DNAH8: variants seen among roughly 807,000 people sequenced by gnomAD.
DNAH8 encodes dynein axonemal heavy chain 8, also known as axonemal beta dynein heavy chain 8.
In DNAH8, 382 loss-of-function variants were observed where a neutral mutation model predicts 562.1. The ratio of observed to expected loss-of-function variants is 0.68; its 90% CI spans 0.63 to 0.74. DNAH8 has a LOEUF of 0.74. DNAH8 is among the 30% of genes least tolerant of loss of function. The pLI is 0.00. For synonymous variants in DNAH8, 1,881 were observed against 1,919.4 expected, an observed-to-expected ratio of 0.98 and a Z score of 0.52; for missense variants, 5,203 against 5,620.4, an observed-to-expected ratio of 0.93 and a Z score of 2.37.
chr6:38,994,504 T>G (rs1221059679), intron 88 of DNAH8, among the ~76,000 whole-genome samples: 1 of 151,822 alleles, frequency 6.6e-6, no homozygotes, highest in Non-Finnish European at 1.5e-5. Context: ...ATCTACATTT[T>G]TTTTTTTTTT....
At chr6:38,802,130 C>T (rs1157397475) in intron 21 of DNAH8, among the ~76,000 whole-genome samples, 1 of 151,718 alleles carries the variant, frequency 6.6e-6, no homozygotes, top group African/African-American at 2.4e-5. Flanking sequence ...GAGATGGGGT[C>T]TCGCCATGTT....
intron 60 of DNAH8, among the ~76,000 whole-genome samples, chr6:38,896,574 C>CA (rs909079118): frequency 7.1e-6 from 1 of 141,270 alleles, no homozygotes; most frequent in African/African-American, 2.5e-5. Context: ...GACCCTGTCT[C>CA]AAAAAAACAA....
intron 31 of DNAH8, among the ~76,000 whole-genome samples, chr6:38,833,295 AT>A (rs1774004760): frequency 1.3e-5 from 2 of 151,560 alleles, no homozygotes; most frequent in Non-Finnish European, 2.9e-5. Context: ...GCCTCATTCT[AT>A]TGTTAAAGTA....
chr6:38,984,790 A>C (rs1764271809), intron 87 of DNAH8, among the ~76,000 whole-genome samples: 1 of 152,010 alleles, frequency 6.6e-6, no homozygotes, highest in Non-Finnish European at 1.5e-5. Context: ...ACTCTGTCTC[A>C]AAAAAACAAA....
chr6:39,024,562 C>G (rs772000848), intron 91 of DNAH8, among the ~76,000 whole-genome samples: 2 of 152,100 alleles, frequency 1.3e-5, no homozygotes, highest in Non-Finnish European at 2.9e-5. Flanking sequence ...CACAGTGGCT[C>G]GCATCTGTAA....
intron 26 of DNAH8, among the ~76,000 whole-genome samples, chr6:38,819,572 A>C (rs1487689184): frequency 1.3e-5 from 2 of 152,184 alleles, no homozygotes; most frequent in African/African-American, 4.8e-5. Context: ...GAAGTATTGC[A>C]TTATCAATAA....
In DNAH8 at chr6:38,822,844, T is replaced by C. The variant is rs372754063; in HGVS notation, c.3530T>C (p.Phe1177Ser). The C allele has an allele frequency of 3.2e-6, 5 of 1,576,838 alleles. No homozygotes were observed. In the Admixed American group the frequency reaches 7.9e-5, roughly 25 times the overall value. ...GKLLKKEERSFEEAIPARKLK... is the reference protein window; with the variant it reads ...GKLLKKEERSSEEAIPARKLK... ...TAAAAACATCTGTTTTCAGGATCTT[T>C]TGAAGAAGCTATTCCTGCGAGGAAG... The change falls in exon 27 of 93, where the codon TTT (phenylalanine) becomes TCT (serine). Residue 1177 changes from phenylalanine to serine, a missense_variant. By Grantham distance (155) the Phe-to-Ser change is radical (BLOSUM62 -2). Around this residue, in one of 6 missense-constraint regions of DNAH8, gnomAD observed 2,176 missense variants for 2,365.1 expected, o/e 0.92. Coordinates refer to ENST00000327475, the MANE Select transcript of DNAH8 (RefSeq NM_001206927.2).
chr6:38,766,977 T>C (rs1395114629), intron 11 of DNAH8, among the ~76,000 whole-genome samples: 1 of 152,206 alleles, frequency 6.6e-6, no homozygotes, highest in Non-Finnish European at 1.5e-5. Context: ...TCTCTTTTTG[T>C]ATAATTAAAA....
At chr6:38,981,674 A>G (rs566689715) in intron 85 of DNAH8, among the ~76,000 whole-genome samples, 25 of 152,338 alleles carry the variant, frequency 1.6e-4, no homozygotes, top group African/African-American at 5.5e-4. Flanking sequence ...TGCATTTGAC[A>G]TTTCAAACTT....
At chr6:38,994,371 C>T (rs775855951) in intron 88 of DNAH8, among the ~76,000 whole-genome samples, 3 of 151,884 alleles carry the variant, frequency 2.0e-5, no homozygotes, top group African/African-American at 4.8e-5. Context: ...GTGTTATTGT[C>T]GTTTCGTTTT....
intron 73 of DNAH8, 91 bp downstream of exon 73, chr6:38,924,253 C>A: frequency 7.6e-7 from 1 of 1,316,478 alleles, no homozygotes; most frequent in East Asian, 2.4e-5. Context: ...TGGCTCACAT[C>A]TGTAATCCCA....
intron 4 of DNAH8, 140 bp from the exon 5 acceptor site, chr6:38,734,334 C>CT: frequency 1.2e-6 from 1 of 822,894 alleles, no homozygotes; most frequent in East Asian, 5.6e-5. Flanking sequence ...AGACCCCCCC[C>CT]CAAAAAAATT....
chr6:38,734,484 A>G lies in DNAH8; in HGVS notation c.621A>G (p.Arg207=). 2 of 1,613,826 alleles carry G rather than the reference A, an allele frequency of 1.2e-6. No homozygotes were observed. Among genetic ancestry groups the G allele is most frequent in the Non-Finnish European group, 1.7e-6 (2 of 1,179,946 alleles). The change falls in exon 5 of 93, where the codon CGA becomes CGG. Residue 207 remains arginine, a synonymous_variant. Coordinates refer to ENST00000327475, the MANE Select transcript of DNAH8 (RefSeq NM_001206927.2). ...EGDVPGIECG[R]TIAGATKGAK... is the part of the protein sequence containing the mutation. ...GACTTTTGTTTTCAGAATGTGGTCGAACTATTGCTGGAGCAACTAAAGGGG... is the reference window on the plus strand; with the variant it reads ...GACTTTTGTTTTCAGAATGTGGTCGGACTATTGCTGGAGCAACTAAAGGGG...
intron 57 of DNAH8, 60 bp from the exon 58 acceptor site, chr6:38,890,592 T>C: frequency 8.1e-7 from 1 of 1,227,368 alleles, no homozygotes; most frequent in South Asian, 1.2e-5. Context: ...TTTACTGGGA[T>C]AAACATATAC....
intron 53 of DNAH8, among the ~76,000 whole-genome samples, chr6:38,880,548 A>T (rs1197784062): frequency 6.6e-6 from 1 of 151,910 alleles, no homozygotes; most frequent in East Asian, 1.9e-4. Context: ...TATATCTGAT[A>T]AAAAAAATTT....
At chr6:38,936,858 C>G (rs2150589364) in intron 77 of DNAH8, among the ~76,000 whole-genome samples, 1 of 152,276 alleles carries the variant, frequency 6.6e-6, no homozygotes, top group African/African-American at 2.4e-5. Context: ...TGTCTGCCAT[C>G]CCGAACTCTA....
chr6:38,857,761 T>A lies in DNAH8; in HGVS notation c.5958+19T>A, dbSNP rs748296015. 5.1e-5 allele frequency: 75 copies of A among 1,459,178 alleles called. No individual in the cohort carries two copies. The highest frequency in any genetic ancestry group is 9.5e-5 in the South Asian group (8 of 83,848). The allele number at this position is 1,459,178 out of a possible 1,614,324, so 90.4% of individuals were successfully genotyped here. ...TGACTTGGTAAGGTATCTTTTTTTT[T>A]AATTTAGTGTACTAACTAATAATGA... On this transcript the variant is annotated intron_variant, in intron 42 of 92. Coordinates refer to ENST00000327475, the MANE Select transcript of DNAH8 (RefSeq NM_001206927.2).
intron 88 of DNAH8, among the ~76,000 whole-genome samples, chr6:38,993,443 T>G (rs1176192293): frequency 5.8e-5 from 3 of 51,810 alleles, no homozygotes; most frequent in Non-Finnish European, 1.1e-4. Context: ...CATTTAAGGG[T>G]TTTTTTCCCC....
chr6:38,951,136 C>T (rs1277800179), intron 81 of DNAH8, among the ~76,000 whole-genome samples, 182 bp from the exon 82 acceptor site: 1 of 152,188 alleles, frequency 6.6e-6, no homozygotes, highest in East Asian at 1.9e-4. Context: ...GGTACCAAAA[C>T]CACACGATTA....
Sources: allele counts gnomAD v4.1 joint callset (sites outside exome capture counted in the v4.1 genomes callset), GRCh38; gene constraint gnomAD v4.1.1; regional missense constraint gnomAD v4.1.1; transcripts MANE v1.5; gene names NCBI Gene and HGNC (gene_info 2026-07-23, HGNC 2026-07-21).